The following ZNF251 variants were observed in gnomAD, a reference collection of about 807,000 sequenced individuals.
ZNF251 encodes the protein zinc finger protein 251.
Under a neutral mutation model 13.5 loss-of-function variants are expected in ZNF251, and 14 were observed. That is an observed-to-expected ratio of 1.04 (90% CI 0.69 to 1.63). The LOEUF (loss-of-function observed/expected upper bound fraction) is 1.63, where lower values mean the gene tolerates loss of function less well. Among genes scored for constraint, ZNF251 ranks in the 40% most tolerant of loss-of-function variants. The pLI is 0.00. For synonymous variants in ZNF251, 287 were observed against 295.2 expected (o/e 0.97, Z 0.28); for missense variants, 764 against 834.9 (o/e 0.92, Z 1.05).
chr8:144,730,012 A>AGC, intron 4 of ZNF251: 1 of 983,918 alleles, frequency 1.0e-6, no homozygotes, highest in Non-Finnish European at 1.2e-6. Flanking sequence ...TGTTCCCAGG[A>AGC]GCGGGTGCCC....
At chr8:144,733,167 C>A (rs919036489) in intron 4 of ZNF251, among the ~76,000 whole-genome samples, 1 of 151,960 alleles carries the variant, frequency 6.6e-6, no homozygotes, top group Non-Finnish European at 1.5e-5. Context: ...TGTAATGAGC[C>A]GAGATCATAC....
Position 144,741,057 on chromosome 8 carries a change from G to A in ZNF251, c.277+12626C>T, listed in dbSNP as rs758809151. Among the ~76,000 whole-genome samples, 6 of 152,230 alleles carry A rather than the reference G, an allele frequency of 3.9e-5. 1 individual carries two copies. In the South Asian group the frequency reaches 6.2e-4, roughly 16 times the overall value. ...AGGCTGAGTTCCTCGAAGTGCTGCC[G>A]AAGGCAATGCCAGAAGGGAACAGTC... is the stretch of plus-strand genomic sequence containing the variant. On this transcript the variant is annotated intron_variant, in intron 4 of 4. Transcript: ENST00000292562.
chr8:144,732,170 T>G (rs1823717670), intron 4 of ZNF251, among the ~76,000 whole-genome samples: 1 of 152,190 alleles, frequency 6.6e-6, no homozygotes, highest in African/African-American at 2.4e-5. Flanking sequence ...GTCAAACTCC[T>G]GGCCTCAAGT....
intron 4 of ZNF251, among the ~76,000 whole-genome samples, chr8:144,733,788 C>A (rs1010532703): frequency 6.6e-6 from 1 of 152,096 alleles, no homozygotes; most frequent in Non-Finnish European, 1.5e-5. Flanking sequence ...TATTTTCCAT[C>A]TTGTGTCTGA....
chr8:144,754,246 G>A lies in ZNF251; in HGVS notation c.109C>T (p.Arg37Trp), dbSNP rs769142842. 8 of 1,613,774 alleles carry A rather than the reference G, an allele frequency of 5.0e-6. No individual in the cohort carries two copies. Among genetic ancestry groups the A allele is most frequent in the South Asian group, 3.3e-5 (3 of 91,066 alleles). ...AGCATCACATCCCGGTAGAGCGCCC[G>A]CTGCTGGGGGCCCAGCTGCCGCCCC... ...AEGRQLGPQQRALYRDVMLEN... is the reference protein window; with the variant it reads ...AEGRQLGPQQWALYRDVMLEN... The change falls in exon 3 of 5, where the codon CGG becomes TGG. Residue 37 changes from arginine to tryptophan, a missense_variant. Coordinates refer to ENST00000292562, the MANE Select transcript of ZNF251 (RefSeq NM_138367.2).
intron 4 of ZNF251, among the ~76,000 whole-genome samples, chr8:144,736,460 TTTATTTA>T (rs1563761471): frequency 1.6e-5 from 1 of 63,656 alleles, no homozygotes; most frequent in Non-Finnish European, 2.6e-5. Flanking sequence ...CTTTATTTTA[TTTATTTA>T]TTTATTTATT....
rs147545708 is a variant in ZNF251 at position 144,738,586 on chromosome 8, T to A, written c.277+15097A>T. 496 of 985,454 alleles carry A rather than the reference T, an allele frequency of 5.0e-4. 2 individuals carry two copies. In the African/African-American group the frequency reaches 7.9e-3, roughly 16 times the overall value. The allele number at this position is 985,454 out of a possible 1,614,324, so 61.0% of individuals were successfully genotyped here. A position where few individuals can be genotyped will look rare whatever the true frequency, so the allele number is the denominator to read the frequency against. On this transcript the variant is annotated intron_variant, in intron 4 of 4. Transcript: ENST00000292562. ...GTGTTGGAGGACCAATCAGTCAAAT[T>A]GGCAGCCTCGTGATGCAACATGCCT... is the stretch of plus-strand genomic sequence containing the variant.
intron 4 of ZNF251, among the ~76,000 whole-genome samples, chr8:144,750,686 G>A (rs1040484409): frequency 5.3e-5 from 8 of 152,178 alleles, no homozygotes; most frequent in Middle Eastern, 6.8e-3. Flanking sequence ...TCCCATGACC[G>A]GGTCCCCCTG....
At chr8:144,727,557 C>A (rs1823553827) in intron 4 of ZNF251, among the ~76,000 whole-genome samples, 1 of 152,192 alleles carries the variant, frequency 6.6e-6, no homozygotes, top group African/African-American at 2.4e-5. Context: ...CCTCATGAAC[C>A]AACCTCTGCC....
chr8:144,723,093 G>C lies in ZNF251; in HGVS notation c.567C>G (p.Asn189Lys), dbSNP rs1823418310. 6.2e-7 allele frequency: 1 copy of C among 1,614,024 alleles called. No individual in the cohort carries two copies. The highest frequency in any genetic ancestry group is 1.3e-5 in the African/African-American group (1 of 75,052). Residue 189 changes from asparagine (N) to lysine (K), a missense_variant, in exon 5 of 5, where the codon AAC (asparagine) becomes AAG (lysine). Asn to Lys is a moderately conservative substitution (Grantham distance 94). Transcript: ENST00000292562. Reference protein sequence around the residue: ...RTQECSAFDRNLNLDQNVVRL... With the variant: ...RTQECSAFDRKLNLDQNVVRL... ...TAACAACATTTTGGTCCAGATTCAAGTTTCTATCAAATGCACTACACTCTT... is the reference window on the plus strand; with the variant it reads ...TAACAACATTTTGGTCCAGATTCAACTTTCTATCAAATGCACTACACTCTT...
rs552222223 is a variant in ZNF251 at position 144,755,463 on chromosome 8, C to A, written c.-134G>T. On this transcript the variant is annotated 5_prime_UTR_variant, in exon 1 of 5. Coordinates refer to ENST00000292562, the MANE Select transcript of ZNF251 (RefSeq NM_138367.2). ...GCGCCGAGGAGCTGCGCAGTCGCAC[C>A]GAGCCCGGAACGGACCCTCCCACAG... The A allele has an allele frequency of 2.3e-5, 29 of 1,287,686 alleles. No homozygotes were observed. In the East Asian group the frequency reaches 1.5e-3, roughly 67 times the overall value. The allele number at this position is 1,287,686 out of a possible 1,614,324, so 79.8% of individuals were successfully genotyped here.
chr8:144,735,283 AG>A (rs1823844789), intron 4 of ZNF251, among the ~76,000 whole-genome samples: 2 of 147,218 alleles, frequency 1.4e-5, no homozygotes, highest in South Asian at 4.4e-4. Flanking sequence ...GCTACTTGGG[AG>A]GCTGAGGTGG....
Position 144,722,542 on chromosome 8 carries a change from C to T in ZNF251, c.1118G>A (p.Gly373Glu), listed in dbSNP as rs541130476. 6.2e-7 allele frequency: 1 copy of T among 1,614,152 alleles called. No individual in the cohort carries two copies. Among genetic ancestry groups the T allele is most frequent in the Admixed American group, 1.7e-5 (1 of 60,012 alleles). Residue 373 changes from glycine (G) to glutamate (E), a missense_variant, in exon 5 of 5, where the codon GGA (glycine) becomes GAA (glutamate). Coordinates refer to ENST00000292562, the MANE Select transcript of ZNF251 (RefSeq NM_138367.2). This position sits in a 1 kb window ranked among gnomAD's most constrained non-coding sequence, Gnocchi z 4.8. ...SLIQHERIHTGEKPHKCNQCG... is the reference protein window; with the variant it reads ...SLIQHERIHTEEKPHKCNQCG... The stretch of plus-strand genomic sequence containing the variant: ...CTGATTGCATTTATGGGGCTTCTCT[C>T]CAGTGTGAATTCTCTCATGCTGAAT...
At chr8:144,729,629 C>A (rs1348177991) in intron 4 of ZNF251, among the ~76,000 whole-genome samples, 1 of 152,156 alleles carries the variant, frequency 6.6e-6, no homozygotes, top group Admixed American at 6.5e-5. Context: ...AGCTACCGCA[C>A]CCGGCCTAAG....
intron 4 of ZNF251, among the ~76,000 whole-genome samples, chr8:144,727,613 C>T (rs771224823): frequency 5.3e-5 from 8 of 152,132 alleles, no homozygotes; most frequent in East Asian, 1.9e-4. Context: ...TCTCAGCTTT[C>T]GCATAATTGA....
At chr8:144,736,106 A>G (rs1390038659) in intron 4 of ZNF251, among the ~76,000 whole-genome samples, 3 of 152,372 alleles carry the variant, frequency 2.0e-5, no homozygotes, top group Middle Eastern at 3.4e-3. Flanking sequence ...GGACAACCAG[A>G]AAACAAGCTG....
intron 4 of ZNF251, chr8:144,753,443 C>A: frequency 2.3e-6 from 1 of 432,628 alleles, no homozygotes; most frequent in Non-Finnish European, 4.1e-6. Context: ...GGTAAATCAC[C>A]AAAACAAAAA....
Position 144,754,262 on chromosome 8 carries a change from C to G in ZNF251, c.93G>C (p.Gln31His). The change falls in exon 3 of 5, where the codon CAG (glutamine) becomes CAC (histidine). Residue 31 changes from glutamine (Q) to histidine (H), a missense_variant. Transcript: ENST00000292562. ...AVYFSQAEGRQLGPQQRALYR... is the reference protein window; with the variant it reads ...AVYFSQAEGRHLGPQQRALYR... ...AGAGCGCCCGCTGCTGGGGGCCCAG[C>G]TGCCGCCCCTCCGCCTGAGAGAAGT... The G allele has an allele frequency of 6.2e-7, 1 of 1,613,842 alleles. No homozygotes were observed. The highest frequency in any genetic ancestry group is 8.5e-7 in the Non-Finnish European group (1 of 1,179,902).
rs921539889 is a variant in ZNF251 at position 144,732,548 on chromosome 8, C to T, written c.278-9166G>A. Among the ~76,000 whole-genome samples, 9 of 152,276 alleles carry T rather than the reference C, an allele frequency of 5.9e-5. No homozygotes were observed. The South Asian group carries it at 6.2e-4, about 11-fold the overall frequency. On this transcript the variant is annotated intron_variant, in intron 4 of 4. Transcript: ENST00000292562. ...CTGAGCCAAGCCGGGCGCGGTGGCT[C>T]ACGCCTGTAATCCCAGCACTTGGGG...
Sources: gnomAD v4.1 joint callset for allele counts (sites outside exome capture counted in the v4.1 genomes callset) on GRCh38, gnomAD v4.1.1 for gene constraint, Gnocchi (gnomAD v3.1) non-coding constraint, MANE v1.5 for transcripts, NCBI Gene and HGNC (gene_info 2026-07-23, HGNC 2026-07-21) for gene names.